PDS5A: variants seen among roughly 807,000 people sequenced by gnomAD.
PDS5A encodes the protein PDS5 cohesin associated factor A, also known as sister chromatid cohesion protein PDS5 homolog A.
PDS5A carries 42 observed loss-of-function variants against 167.1 expected under a neutral mutation model. That is an observed-to-expected ratio of 0.25 (90% CI 0.20 to 0.33). The LOEUF is 0.33. Ranked by LOEUF, PDS5A falls within the 10% of genes least tolerant of loss-of-function variation. The pLI is 1.00. For synonymous variants in PDS5A, 553 were observed against 554.6 expected (o/e 1.00, Z 0.04); for missense variants, 1,033 against 1,605.9 (o/e 0.64, Z 6.10).
chr4:39,866,672 A>C (rs1002685372), intron 23 of PDS5A, among the ~76,000 whole-genome samples, 189 bp downstream of exon 23: 1 of 152,252 alleles, frequency 6.6e-6, no homozygotes, highest in African/African-American at 2.4e-5. Flanking sequence ...TTAGGAATGA[A>C]GAAAAATATA....
At chr4:39,825,746 G>A (rs535196182) in intron 32 of PDS5A, among the ~76,000 whole-genome samples, 6 of 152,020 alleles carry the variant, frequency 3.9e-5, no homozygotes, top group African/African-American at 1.2e-4. Flanking sequence ...AACTATAGGC[G>A]CACACCACCA....
intron 32 of PDS5A, among the ~76,000 whole-genome samples, chr4:39,827,755 T>C (rs890018515): frequency 6.6e-6 from 1 of 152,178 alleles, no homozygotes; most frequent in Non-Finnish European, 1.5e-5. Flanking sequence ...ATCCAACGAC[T>C]AGAAACCCAC....
chr4:39,906,003 T>C (rs797012826), intron 11 of PDS5A, among the ~76,000 whole-genome samples: 4 of 72,846 alleles, frequency 5.5e-5, no homozygotes, highest in Admixed American at 3.0e-4. Context: ...AAAATGGAGA[T>C]GAAGTAAAAA....
At chr4:39,862,743 C>G (rs1475837913) in intron 25 of PDS5A, 126 bp downstream of exon 25, 1 of 635,984 alleles carries the variant, frequency 1.6e-6, no homozygotes. Flanking sequence ...ACTACAATGA[C>G]AGCATTCTAT....
intron 2 of PDS5A, among the ~76,000 whole-genome samples, chr4:39,933,886 T>C (rs1262601136): frequency 1.3e-5 from 2 of 152,202 alleles, no homozygotes; most frequent in Admixed American, 6.5e-5. Context: ...GAGGCACTTA[T>C]TCAAGATTTG....
At chr4:39,893,996 T>C (rs1560460915) in intron 16 of PDS5A, among the ~76,000 whole-genome samples, 1 of 152,216 alleles carries the variant, frequency 6.6e-6, no homozygotes, top group African/African-American at 2.4e-5. Context: ...TATTTCATTG[T>C]CTGATCTAAT....
In PDS5A at chr4:39,877,110, GTC is replaced by G; in HGVS notation, c.2034_2035del (p.Glu678AspfsTer3). On this transcript the variant is annotated frameshift_variant, in exon 19 of 33. Coordinates refer to ENST00000303538, the MANE Select transcript of PDS5A (RefSeq NM_001100399.2). LOFTEE classifies it high-confidence loss of function. ...TAGGCACTGTAACAAGGACTCATAT[GTC>G]TCTGCAGAGTGGAACGAGGTAGGAT... is the stretch of plus-strand genomic sequence containing the variant. 6.2e-7 allele frequency: 1 copy of G among 1,606,800 alleles called. No homozygotes were observed. The highest frequency in any genetic ancestry group is 8.5e-7 in the Non-Finnish European group (1 of 1,174,604).
chr4:39,867,541 G>A (rs1384649737), intron 22 of PDS5A, among the ~76,000 whole-genome samples: 3 of 127,528 alleles, frequency 2.4e-5, no homozygotes, highest in African/African-American at 8.9e-5. Context: ...AAAAAACCCC[G>A]TCTCTACTAA....
chr4:39,842,758 AT>A (rs1209005991), intron 30 of PDS5A, among the ~76,000 whole-genome samples: 1 of 151,664 alleles, frequency 6.6e-6, no homozygotes, highest in African/African-American at 2.4e-5. Context: ...ATGTACAATT[AT>A]TATATATCAA....
intron 17 of PDS5A, among the ~76,000 whole-genome samples, chr4:39,886,083 C>T (rs1578670108): frequency 1.3e-5 from 2 of 152,234 alleles, no homozygotes; most frequent in Non-Finnish European, 2.9e-5. Context: ...ACTATCCCTT[C>T]CCTCCTTGTA....
intron 26 of PDS5A, among the ~76,000 whole-genome samples, chr4:39,855,883 A>G (rs1718485601): frequency 6.6e-6 from 1 of 152,208 alleles, no homozygotes; most frequent in South Asian, 2.1e-4. Flanking sequence ...TGGAATTTCC[A>G]AACGGAAAGA....
intron 30 of PDS5A, among the ~76,000 whole-genome samples, chr4:39,843,430 C>T (rs1346789866): frequency 2.0e-5 from 3 of 152,106 alleles, no homozygotes; most frequent in Non-Finnish European, 4.4e-5. Context: ...AATTTTCTTA[C>T]GTATAAAAAA....
At chr4:39,966,240 C>G (rs1729955217) in intron 2 of PDS5A, among the ~76,000 whole-genome samples, 1 of 152,134 alleles carries the variant, frequency 6.6e-6, no homozygotes, top group South Asian at 2.1e-4. Context: ...AATTATCACA[C>G]TGTGTAGCAA....
At chr4:39,891,518 CAT>C in intron 16 of PDS5A, among the ~76,000 whole-genome samples, 1 of 152,074 alleles carries the variant, frequency 6.6e-6, no homozygotes, top group Non-Finnish European at 1.5e-5. Flanking sequence ...CTTGGTGGCG[CAT>C]GCCTGTAATC....
intron 26 of PDS5A, 108 bp from the exon 27 acceptor site, chr4:39,849,760 G>A: frequency 1.5e-6 from 1 of 662,922 alleles, no homozygotes; most frequent in Non-Finnish European, 2.5e-6. Flanking sequence ...AAAATAAAAT[G>A]ATCAACCTTA....
At chr4:39,829,312 G>C (rs1217921400) in intron 32 of PDS5A, among the ~76,000 whole-genome samples, 1 of 152,164 alleles carries the variant, frequency 6.6e-6, no homozygotes, top group Non-Finnish European at 1.5e-5. Flanking sequence ...AATAAAAATA[G>C]TTGGCACTTT....
chr4:39,939,271 G>T (rs970184897), intron 2 of PDS5A, among the ~76,000 whole-genome samples: 1 of 151,946 alleles, frequency 6.6e-6, no homozygotes, highest in Non-Finnish European at 1.5e-5. Context: ...AGACCAACCT[G>T]GGCAACATAA....
At position 39,908,551 on chromosome 4, in the gene PDS5A, A is replaced by AG. The variant is rs780664236; in HGVS notation, c.1088-12dup. On this transcript the variant is annotated splice_polypyrimidine_tract_variant and intron_variant, in intron 10 of 32. Coordinates refer to ENST00000303538, the MANE Select transcript of PDS5A (RefSeq NM_001100399.2). The stretch of plus-strand genomic sequence containing the variant: ...TAACCTTTAAATATTCTGTAATAAG[A>AG]GAAAAAAAACTTAGGCTAAATGTTA... 43 of 1,505,230 alleles carry AG rather than the reference A, an allele frequency of 2.9e-5. No homozygotes were observed. Among genetic ancestry groups the AG allele is most frequent in the Non-Finnish European group, 3.7e-5 (41 of 1,099,338 alleles). The allele number at this position is 1,505,230 out of a possible 1,614,324, so 93.2% of individuals were successfully genotyped here. A position where few individuals can be genotyped will look rare whatever the true frequency, so the allele number is the denominator to read the frequency against.
At chr4:39,842,760 T>A (rs1267432584) in intron 30 of PDS5A, among the ~76,000 whole-genome samples, 1 of 151,588 alleles carries the variant, frequency 6.6e-6, no homozygotes, top group Non-Finnish European at 1.5e-5. Context: ...GTACAATTAT[T>A]ATATATCAAA....
Sources: allele counts gnomAD v4.1 joint callset (sites outside exome capture counted in the v4.1 genomes callset), GRCh38; gene constraint gnomAD v4.1.1; transcripts MANE v1.5; gene names NCBI Gene and HGNC (gene_info 2026-07-23, HGNC 2026-07-21).